Variants in TBC1D17 observed in about 807,000 individuals in gnomAD.
TBC1D17 encodes the protein TBC1 domain family, member 17.
TBC1D17 carries 69 observed loss-of-function variants against 78.8 expected under a neutral mutation model. The observed-to-expected ratio is 0.88, with a 90% CI of 0.72 to 1.07. The LOEUF (loss-of-function observed/expected upper bound fraction) is 1.07, where lower values mean the gene tolerates loss of function less well. TBC1D17 is among the 50% of genes least tolerant of loss of function. TBC1D17 has a pLI of 0.00. For synonymous variants in TBC1D17, 456 were observed against 358.3 expected (o/e 1.27, Z -3.08); for missense variants, 957 against 861.0 (o/e 1.11, Z -1.39).
At chr19:49,880,565 T>C (rs1223378060) in intron 4 of TBC1D17, among the ~76,000 whole-genome samples, 163 bp downstream of exon 4, 1 of 152,266 alleles carries the variant, frequency 6.6e-6, no homozygotes, top group Non-Finnish European at 1.5e-5. Flanking sequence ...AAGACAGGAC[T>C]GTCCCAGCCC....
chr19:49,878,479 G>A lies in TBC1D17; in HGVS notation c.121-19G>A, dbSNP rs1394904296. ...TGGTTTGGGGAGCGCCTCTAACCCC[G>A]CCTCCCTCCTTACCCTAGGACAATG... On this transcript the variant is annotated intron_variant, in intron 2 of 16. Transcript: ENST00000221543. The A allele has an allele frequency of 5.0e-6, 8 of 1,611,018 alleles. No individual in the cohort carries two copies. The highest frequency in any genetic ancestry group is 3.3e-5 in the South Asian group (3 of 91,008).
In TBC1D17 at chr19:49,884,464, G is replaced by A. The variant is rs758641196; in HGVS notation, c.1249G>A (p.Val417Ile). The A allele has an allele frequency of 6.2e-6, 10 of 1,613,992 alleles. No homozygotes were observed. The highest frequency in any genetic ancestry group is 1.3e-5 in the African/African-American group (1 of 74,920). The change falls in exon 12 of 17, where the codon GTC becomes ATC. Residue 417 changes from valine to isoleucine, a missense_variant. By Grantham distance (29) the Val-to-Ile change is conservative (BLOSUM62 3). Coordinates refer to ENST00000221543, the MANE Select transcript of TBC1D17 (RefSeq NM_024682.3). The part of the protein sequence containing the change: ...YCMYHFDLGY[V>I]QGMSDLLSPI... ...CTGACCCCATGTCCCCCCAGGCTACGTCCAGGGCATGAGTGATCTTCTCTC... is the reference window on the plus strand; with the variant it reads ...CTGACCCCATGTCCCCCCAGGCTACATCCAGGGCATGAGTGATCTTCTCTC...
intron 3 of TBC1D17, 93 bp downstream of exon 3, chr19:49,878,665 C>T: frequency 8.1e-7 from 1 of 1,238,822 alleles, no homozygotes; most frequent in Non-Finnish European, 1.2e-6. Flanking sequence ...CAATCCCAGA[C>T]CTACTCGTGG....
chr19:49,882,944 C>T (rs1435991096), intron 8 of TBC1D17, 29 bp from the exon 9 acceptor site: 1 of 1,598,160 alleles, frequency 6.3e-7, no homozygotes, highest in Non-Finnish European at 8.5e-7. Context: ...CAAGGCCCCA[C>T]TGAGCTGCCT....
At chr19:49,886,325 G>A (rs1600453110) in intron 13 of TBC1D17, among the ~76,000 whole-genome samples, 1 of 152,210 alleles carries the variant, frequency 6.6e-6, no homozygotes, top group African/African-American at 2.4e-5. Context: ...AGATGGTGAT[G>A]ATAATAAGTT....
Position 49,887,509 on chromosome 19 carries a change from T to C in TBC1D17, c.1478T>C (p.Phe493Ser). The change falls in exon 14 of 17, where the codon TTC (phenylalanine) becomes TCC (serine). Residue 493 changes from phenylalanine (F) to serine (S), a missense_variant. Coordinates refer to ENST00000221543, the MANE Select transcript of TBC1D17 (RefSeq NM_024682.3). ...SQDSGSLCFCFRWLLIWFKRE... is the reference protein window; with the variant it reads ...SQDSGSLCFCSRWLLIWFKRE... ...GACTCCGGCTCTCTCTGCTTCTGTT[T>C]CCGGTGGCTGCTCATCTGGTTCAAG... 1 of 1,614,158 alleles carries C rather than the reference T, an allele frequency of 6.2e-7. No homozygotes were observed. The highest frequency in any genetic ancestry group is 2.2e-5 in the East Asian group (1 of 44,882).
chr19:49,882,283 C>T lies in TBC1D17; in HGVS notation c.681C>T (p.Phe227=). 1 of 1,612,392 alleles carries T rather than the reference C, an allele frequency of 6.2e-7. No homozygotes were observed. The highest frequency in any genetic ancestry group is 8.5e-7 in the Non-Finnish European group (1 of 1,180,010). The change falls in exon 7 of 17, where the codon TTC becomes TTT. Residue 227 remains phenylalanine (F), a synonymous_variant. Coordinates refer to ENST00000221543, the MANE Select transcript of TBC1D17 (RefSeq NM_024682.3). Reference sequence around the variant, plus strand: ...CCTACTCCACCACCTTCAGCAGCTTCTCCCGAGTGACCAACTTCTTCCGGG... The same window carrying T: ...CCTACTCCACCACCTTCAGCAGCTTTTCCCGAGTGACCAACTTCTTCCGGG... ...QDPYSTTFSS[F]SRVTNFFRGA... is the part of the protein sequence containing the mutation.
At position 49,882,969 on chromosome 19, in the gene TBC1D17, C is replaced by A. The variant is rs781414187; in HGVS notation, c.928-4C>A. ...CTGAGCTGCCTGCCCTCCTGCACCCCCAGGGTCTGAGCCCCAGCCTGCGGC... is the reference window on the plus strand; with the variant it reads ...CTGAGCTGCCTGCCCTCCTGCACCCACAGGGTCTGAGCCCCAGCCTGCGGC... On this transcript the variant is annotated splice_region_variant and splice_polypyrimidine_tract_variant and intron_variant, in intron 8 of 16. Transcript: ENST00000221543. 12 of 1,607,312 alleles carry A rather than the reference C, an allele frequency of 7.5e-6. No individual in the cohort carries two copies. The highest frequency in any genetic ancestry group is 1.0e-5 in the Non-Finnish European group (12 of 1,176,632).
chr19:49,878,243 T>C lies in TBC1D17; in HGVS notation c.120+2T>C, dbSNP rs1477855990. On this transcript the variant is annotated splice_donor_variant, in intron 2 of 16. Transcript: ENST00000221543. LOFTEE classifies it high-confidence loss of function. ...GGTGTCATCCGTGTCGTGGAAAAGG[T>C]GCGCTGGGAGGGAGCAGGGCTCGGA... is the stretch of plus-strand genomic sequence containing the variant. The C allele has an allele frequency of 1.9e-6, 3 of 1,556,324 alleles. No homozygotes were observed. The highest frequency in any genetic ancestry group is 3.3e-4 in the Middle Eastern group (2 of 5,990).
chr19:49,878,264 T>G (rs1600441264), intron 2 of TBC1D17, 23 bp downstream of exon 2: 2 of 1,547,896 alleles, frequency 1.3e-6, no homozygotes, highest in African/African-American at 1.4e-5. Context: ...GGAGCAGGGC[T>G]CGGACCCGCT....
rs749437805 is a variant in TBC1D17, at chr19:49,887,783, G to T, written c.1608G>T (p.Met536Ile). 6.8e-6 allele frequency: 11 copies of T among 1,612,934 alleles called. No individual in the cohort carries two copies. The highest frequency in any genetic ancestry group is 8.5e-6 in the Non-Finnish European group (10 of 1,179,768). Reference sequence around the variant, plus strand: ...TGGTGGCCTGCGCCATCCTGGACATGGAGAGGGACACCCTCATGCTGTCCG... The same window carrying T: ...TGGTGGCCTGCGCCATCCTGGACATTGAGAGGGACACCCTCATGCTGTCCG... ...HLLVACAILD[M>I]ERDTLMLSGF... Residue 536 changes from methionine to isoleucine, a missense_variant, in exon 15 of 17, where the codon ATG becomes ATT. Coordinates refer to ENST00000221543, the MANE Select transcript of TBC1D17 (RefSeq NM_024682.3).
At chr19:49,885,693 A>G (rs1348784175) in intron 13 of TBC1D17, among the ~76,000 whole-genome samples, 4 of 150,896 alleles carry the variant, frequency 2.7e-5, no homozygotes, top group Admixed American at 6.6e-5. Context: ...CCTGGGCGCA[A>G]TGTCATCCTG....
chr19:49,880,640 C>T (rs2075004951), intron 4 of TBC1D17, among the ~76,000 whole-genome samples: 2 of 152,236 alleles, frequency 1.3e-5, no homozygotes, highest in East Asian at 1.9e-4. Context: ...CCCGGATTGG[C>T]TGTGGGTGCT....
chr19:49,882,290 G>A lies in TBC1D17; in HGVS notation c.688G>A (p.Val230Met), dbSNP rs141720138. 57 of 1,612,254 alleles carry A rather than the reference G, an allele frequency of 3.5e-5. No individual in the cohort carries two copies. In the East Asian group the frequency reaches 1.3e-3, roughly 36 times the overall value. The stretch of plus-strand genomic sequence containing the variant: ...CACCACCTTCAGCAGCTTCTCCCGA[G>A]TGACCAACTTCTTCCGGGGTGCCCT... ...YSTTFSSFSR[V>M]TNFFRGALQP... is the part of the protein sequence containing the mutation. Residue 230 changes from valine (V) to methionine (M), a missense_variant, in exon 7 of 17, where the codon GTG becomes ATG. Physicochemically the swap from Val to Met is conservative, Grantham distance 21. Coordinates refer to ENST00000221543, the MANE Select transcript of TBC1D17 (RefSeq NM_024682.3).
At chr19:49,885,165 C>T (rs867503063) in intron 13 of TBC1D17, 37 of 242,502 alleles carry the variant, frequency 1.5e-4, no homozygotes, top group Middle Eastern at 1.6e-3. Flanking sequence ...TTTTATTCTT[C>T]GACCAGGCAC....
At chr19:49,878,820 T>G (rs1340618740) in intron 3 of TBC1D17, 1 of 496,696 alleles carries the variant, frequency 2.0e-6, no homozygotes, top group African/African-American at 1.9e-5. Flanking sequence ...CTCTCTCCCT[T>G]TGCTTCTTGG....
chr19:49,882,033 C>T lies in TBC1D17; in HGVS notation c.528-8C>T, dbSNP rs1347934704. 6.2e-7 allele frequency: 1 copy of T among 1,612,084 alleles called. No homozygotes were observed. Among genetic ancestry groups the T allele is most frequent in the African/African-American group, 1.3e-5 (1 of 74,850 alleles). On this transcript the variant is annotated splice_polypyrimidine_tract_variant and splice_region_variant and intron_variant, in intron 5 of 16. Transcript: ENST00000221543. ...TGCATCACCTGTGCGTCACCTCCCG[C>T]CTCCCAGCTCCCCGCAGGACTCCCG...
At chr19:49,883,170 T>A in intron 9 of TBC1D17, 94 bp downstream of exon 9, 1 of 1,144,774 alleles carries the variant, frequency 8.7e-7, no homozygotes. Flanking sequence ...GTTGTGAACC[T>A]GCTGTATCTG....
intron 4 of TBC1D17, 102 bp downstream of exon 4, chr19:49,880,504 GA>G (rs1600444969): frequency 6.9e-7 from 1 of 1,454,830 alleles, no homozygotes; most frequent in East Asian, 2.4e-5. Context: ...CCACAATCAA[GA>G]AGGCCACCAG....
Sources: allele counts gnomAD v4.1 joint callset (sites outside exome capture counted in the v4.1 genomes callset), GRCh38; gene constraint gnomAD v4.1.1; transcripts MANE v1.5; gene names NCBI Gene and HGNC (gene_info 2026-07-23, HGNC 2026-07-21).